The following SCN11A variants were observed in gnomAD, a reference collection of about 807,000 sequenced individuals.
SCN11A encodes the protein sodium channel protein type 11 subunit alpha.
A neutral mutation model predicts 162.2 loss-of-function variants in SCN11A; 122 were observed. The observed-to-expected ratio is 0.75, with a 90% CI of 0.65 to 0.87. The LOEUF is 0.87. Ranked by LOEUF, SCN11A falls within the 40% of genes least tolerant of loss-of-function variation. SCN11A has a pLI of 0.00. For synonymous variants in SCN11A, 758 were observed against 751.5 expected, an observed-to-expected ratio of 1.01 and a Z score of -0.14; for missense variants, 2,015 against 2,181.6, an observed-to-expected ratio of 0.92 and a Z score of 1.52.
At chr3:38,854,093 G>GA (rs939771801) in intron 28 of SCN11A, among the ~76,000 whole-genome samples, 15 of 148,320 alleles carry the variant, frequency 1.0e-4, no homozygotes, top group East Asian at 9.8e-4. Context: ...AATGTTTGGT[G>GA]AAAAAAAAAA....
intron 1 of SCN11A, among the ~76,000 whole-genome samples, chr3:39,037,798 T>C (rs958393912): frequency 1.3e-5 from 2 of 152,224 alleles, no homozygotes; most frequent in Admixed American, 6.5e-5. Flanking sequence ...TAATGGGGGA[T>C]AGAAATGAGA....
intron 22 of SCN11A, among the ~76,000 whole-genome samples, chr3:38,882,480 C>T (rs2126105840): frequency 6.6e-6 from 1 of 152,162 alleles, no homozygotes. Flanking sequence ...CTCCACATTA[C>T]TGTATGATCA....
At chr3:39,051,119 T>TG (rs1002861599) in intron 1 of SCN11A, among the ~76,000 whole-genome samples, 4 of 147,144 alleles carry the variant, frequency 2.7e-5, no homozygotes, top group Admixed American at 2.7e-4. Flanking sequence ...CTTTTTGTCT[T>TG]GTTTTTTTTT....
intron 19 of SCN11A, among the ~76,000 whole-genome samples, chr3:38,889,672 C>T (rs1418752574): frequency 2.6e-5 from 4 of 151,146 alleles, no homozygotes; most frequent in South Asian, 2.1e-4. Context: ...TGGTGGCCGG[C>T]GCCTGTCATC....
intron 7 of SCN11A, among the ~76,000 whole-genome samples, chr3:38,935,968 C>A (rs887408162): frequency 2.0e-5 from 3 of 152,180 alleles, no homozygotes; most frequent in Non-Finnish European, 4.4e-5. Context: ...CAAAAATCCT[C>A]AATAAAATAC....
chr3:39,046,838 A>C (rs2032192782), intron 1 of SCN11A, among the ~76,000 whole-genome samples: 1 of 152,136 alleles, frequency 6.6e-6, no homozygotes, highest in South Asian at 2.1e-4. Flanking sequence ...CTCCCACTTT[A>C]GCCTCTTGAG....
intron 19 of SCN11A, among the ~76,000 whole-genome samples, chr3:38,890,438 A>G (rs2065480680): frequency 6.6e-6 from 1 of 152,258 alleles, no homozygotes; most frequent in African/African-American, 2.4e-5. Flanking sequence ...AAATAAGAAG[A>G]GATTGGTAGC....
intron 7 of SCN11A, among the ~76,000 whole-genome samples, chr3:38,938,528 ATATATATATATATATATATATATTTTT>A (rs2125565957): frequency 6.3e-5 from 1 of 15,874 alleles, no homozygotes; most frequent in Non-Finnish European, 1.2e-4. Flanking sequence ...ATATATATAT[ATATATATATATATATATATATATTTTT>A]TTTTTTTTTT....
intron 2 of SCN11A, among the ~76,000 whole-genome samples, chr3:38,967,968 C>T (rs2066793286): frequency 6.6e-6 from 1 of 152,198 alleles, no homozygotes; most frequent in South Asian, 2.1e-4. Flanking sequence ...ATTGAGGATT[C>T]TTTTGGAACA....
intron 2 of SCN11A, among the ~76,000 whole-genome samples, chr3:38,977,625 C>T (rs2066857086): frequency 6.6e-6 from 1 of 152,206 alleles, no homozygotes; most frequent in Admixed American, 6.5e-5. Flanking sequence ...AGTAAAGCTG[C>T]AGAATATGGC....
chr3:38,929,322 T>C (rs2066202608), intron 7 of SCN11A, among the ~76,000 whole-genome samples: 1 of 152,326 alleles, frequency 6.6e-6, no homozygotes, highest in Admixed American at 6.5e-5. Flanking sequence ...GAAATCATTA[T>C]GCAAGGTGAA....
chr3:39,038,192 G>T (rs1196649277), intron 1 of SCN11A, among the ~76,000 whole-genome samples: 1 of 152,174 alleles, frequency 6.6e-6, no homozygotes, highest in Non-Finnish European at 1.5e-5. Context: ...AACATTTATT[G>T]TTTCACACAG....
rs777076546 is a variant in SCN11A, at chr3:38,950,354, G to A, written c.9C>T (p.Asp3=). The part of the protein sequence containing the change: MD[D]RCYPVIFPDE... ...CTGGAAAGATTACTGGGTAGCATCT[G>A]TCATCCATCTTCACCCTCAGGACAG... Residue 3 remains aspartate (D), a synonymous_variant, in exon 5 of 30, where the codon GAC becomes GAT. Coordinates refer to ENST00000302328, the MANE Select transcript of SCN11A (RefSeq NM_001349253.2). 3.7e-6 allele frequency: 6 copies of A among 1,613,480 alleles called. No homozygotes were observed. The highest frequency in any genetic ancestry group is 5.1e-6 in the Non-Finnish European group (6 of 1,180,030).
chr3:38,895,049 G>A, intron 18 of SCN11A, 85 bp from the exon 19 acceptor site: 1 of 1,248,658 alleles, frequency 8.0e-7, no homozygotes, highest in Non-Finnish European at 1.1e-6. Flanking sequence ...TTTTCCCCAA[G>A]ACTAAAAACA....
chr3:39,045,988 A>C (rs1016100386), intron 1 of SCN11A, among the ~76,000 whole-genome samples: 9 of 152,346 alleles, frequency 5.9e-5, no homozygotes, highest in African/African-American at 2.2e-4. Context: ...GGCCAGGCAC[A>C]GTGTCTCACT....
At chr3:38,982,881 T>C (rs1193674055) in intron 2 of SCN11A, among the ~76,000 whole-genome samples, 1 of 152,138 alleles carries the variant, frequency 6.6e-6, no homozygotes, top group Non-Finnish European at 1.5e-5. Context: ...ATCTGCGAAA[T>C]GTTATTATAG....
At chr3:39,036,676 A>C (rs1435513853) in intron 1 of SCN11A, among the ~76,000 whole-genome samples, 1 of 152,248 alleles carries the variant, frequency 6.6e-6, no homozygotes, top group African/African-American at 2.4e-5. Context: ...TAATAATCCA[A>C]TTAAAAATGG....
In SCN11A at chr3:38,908,943, G is replaced by C. The variant is rs1302275241; in HGVS notation, c.1299+54C>G. 1.3e-5 allele frequency: 20 copies of C among 1,545,504 alleles called. No individual in the cohort carries two copies. The Middle Eastern group carries it at 6.9e-4, about 54-fold the overall frequency. ...TGAGTCTCAGGTCACATTGCCTCTG[G>C]GGACCCCTTCCCCTCCCCAGAGCAG... is the stretch of plus-strand genomic sequence containing the variant. On this transcript the variant is annotated intron_variant, in intron 13 of 29. Transcript: ENST00000302328.
At position 38,924,129 on chromosome 3, in the gene SCN11A, T is replaced by C. The variant is rs556028190; in HGVS notation, c.712+1286A>G. Among the ~76,000 whole-genome samples, 198 of 152,088 alleles carry C rather than the reference T, an allele frequency of 1.3e-3. 4 individuals are homozygous for C. The South Asian group carries it at 0.04, about 31-fold the overall frequency. On this transcript the variant is annotated intron_variant, in intron 9 of 29. Transcript: ENST00000302328. The stretch of plus-strand genomic sequence containing the variant: ...CCCTGTAGCAGGAGGTCTTCCTGCT[T>C]CTCCCATCTCCCCTACATTCCATTC...
Sources: allele counts gnomAD v4.1 joint callset (sites outside exome capture counted in the v4.1 genomes callset), GRCh38; gene constraint gnomAD v4.1.1; transcripts MANE v1.5; gene names NCBI Gene and HGNC (gene_info 2026-07-23, HGNC 2026-07-21).